Variants in RPTOR observed in about 807,000 individuals in gnomAD.
The protein encoded by RPTOR is regulatory associated protein of MTOR complex 1.
RPTOR carries 21 observed loss-of-function variants against 169.9 expected under a neutral mutation model. The observed-to-expected ratio is 0.12, with a 90% CI of 0.09 to 0.18. RPTOR has a LOEUF of 0.18. RPTOR is among the 10% of genes least tolerant of loss of function. The pLI is 1.00. For synonymous variants in RPTOR, 732 were observed against 753.2 expected, an observed-to-expected ratio of 0.97 and a Z score of 0.46; for missense variants, 1,133 against 1,855.9, an observed-to-expected ratio of 0.61 and a Z score of 7.16.
chr17:80,629,631 T>C (rs1363235045), intron 2 of RPTOR, among the ~76,000 whole-genome samples: 3 of 151,694 alleles, frequency 2.0e-5, no homozygotes, highest in African/African-American at 7.3e-5. Flanking sequence ...TTGTTGGACA[T>C]TGTACCGCAG....
chr17:80,951,972 GAC>G (rs1182474402), intron 28 of RPTOR, among the ~76,000 whole-genome samples: 3 of 152,244 alleles, frequency 2.0e-5, no homozygotes, highest in East Asian at 1.9e-4. Context: ...CCAGGACACA[GAC>G]ACACGTGCAG....
chr17:80,575,320 CAA>C (rs1056667846), intron 1 of RPTOR, among the ~76,000 whole-genome samples: 9 of 152,186 alleles, frequency 5.9e-5, no homozygotes, highest in Non-Finnish European at 8.8e-5. Flanking sequence ...TTGTTCAGTT[CAA>C]ATTATTCTCT....
At chr17:80,642,493 T>G (rs928821243) in intron 2 of RPTOR, among the ~76,000 whole-genome samples, 1 of 152,076 alleles carries the variant, frequency 6.6e-6, no homozygotes, top group African/African-American at 2.4e-5. Context: ...TGTGGATTCT[T>G]AAAAAAATAT....
At chr17:80,718,942 C>T (rs541570642) in intron 4 of RPTOR, among the ~76,000 whole-genome samples, 2 of 152,212 alleles carry the variant, frequency 1.3e-5, no homozygotes, top group East Asian at 1.9e-4. Flanking sequence ...AGTGGCGGCA[C>T]CCTGAGTCAG....
intron 1 of RPTOR, among the ~76,000 whole-genome samples, chr17:80,608,178 T>G (rs1444546560): frequency 2.6e-5 from 4 of 152,232 alleles, no homozygotes; most frequent in African/African-American, 9.6e-5. Flanking sequence ...TCCTGCCACC[T>G]GCCCCTGCCC....
chr17:80,668,181 C>T (rs2065795131), intron 3 of RPTOR, among the ~76,000 whole-genome samples: 1 of 152,156 alleles, frequency 6.6e-6, no homozygotes, highest in Non-Finnish European at 1.5e-5. Context: ...GTTGGGCCTC[C>T]ACTAGACAAA....
In RPTOR at chr17:80,684,829, A is replaced by G. The variant is rs75828357; in HGVS notation, c.349-23012A>G. ...TGCACTCTGCTTTTTGCCACTACAC[A>G]GCGTGTCCTGGAAATCACTCCATGT... On this transcript the variant is annotated intron_variant, in intron 3 of 33. Coordinates refer to ENST00000306801, the MANE Select transcript of RPTOR (RefSeq NM_020761.3). Among the ~76,000 whole-genome samples the G allele has an allele frequency of 7.9e-3, 1,205 of 152,244 alleles. 14 individuals are homozygous for G. The highest frequency in any genetic ancestry group is 0.028 in the African/African-American group (1,168 of 41,532).
intron 7 of RPTOR, among the ~76,000 whole-genome samples, chr17:80,795,871 G>T (rs965088289): frequency 2.0e-5 from 3 of 152,130 alleles, no homozygotes; most frequent in Admixed American, 6.5e-5. Context: ...TCCGCCTCCC[G>T]CCAGACACTT....
intron 20 of RPTOR, among the ~76,000 whole-genome samples, chr17:80,895,386 A>T (rs1192877062): frequency 2.0e-5 from 3 of 151,422 alleles, no homozygotes; most frequent in Non-Finnish European, 4.4e-5. Flanking sequence ...TTCCTGCTTT[A>T]TTTTTCTCCT....
rs913267239 is a variant in RPTOR at position 80,962,859 on chromosome 17, G to A, written c.3810-69G>A. On this transcript the variant is annotated intron_variant, in intron 32 of 33. Transcript: ENST00000306801. The stretch of plus-strand genomic sequence containing the variant: ...CTAGCCGGCCTGTCCCCGCGGTCTC[G>A]GCATCTGCGCCCATCTTCCATCCTC... 6.2e-6 allele frequency: 10 copies of A among 1,600,930 alleles called. No individual in the cohort carries two copies. In the East Asian group the frequency reaches 6.7e-5, roughly 11 times the overall value.
intron 20 of RPTOR, among the ~76,000 whole-genome samples, chr17:80,906,700 A>T (rs143069649): frequency 6.6e-6 from 1 of 152,290 alleles, no homozygotes; most frequent in East Asian, 1.9e-4. Context: ...CCAGCCTCTC[A>T]TGATTCACGC....
intron 28 of RPTOR, among the ~76,000 whole-genome samples, chr17:80,956,279 G>GT (rs2069247868): frequency 1.3e-5 from 2 of 152,316 alleles, no homozygotes; most frequent in Non-Finnish European, 2.9e-5. Context: ...GAGCTGAGTG[G>GT]TGGGTACAAG....
chr17:80,625,526 C>T (rs1257462341), intron 1 of RPTOR, among the ~76,000 whole-genome samples, 165 bp from the exon 2 acceptor site: 2 of 152,318 alleles, frequency 1.3e-5, no homozygotes, highest in African/African-American at 4.8e-5. Flanking sequence ...GGGCGTTACT[C>T]CTGCACTAGG....
chr17:80,851,045 C>G (rs1356561935), intron 11 of RPTOR, among the ~76,000 whole-genome samples: 3 of 152,206 alleles, frequency 2.0e-5, no homozygotes, highest in Admixed American at 6.5e-5. Flanking sequence ...CCTCCTGACT[C>G]AGCCTCCTGA....
intron 6 of RPTOR, among the ~76,000 whole-genome samples, chr17:80,790,211 G>C (rs1272178345): frequency 6.6e-6 from 1 of 152,216 alleles, no homozygotes; most frequent in African/African-American, 2.4e-5. Context: ...CCGTGGGAAA[G>C]GGCTGCTCTG....
At chr17:80,907,966 A>G (rs1429399244) in intron 20 of RPTOR, among the ~76,000 whole-genome samples, 1 of 152,192 alleles carries the variant, frequency 6.6e-6, no homozygotes, top group Non-Finnish European at 1.5e-5. Context: ...TCGTGGACGT[A>G]GCATGGCTCA....
At chr17:80,884,559 C>G (rs2068222262) in intron 16 of RPTOR, among the ~76,000 whole-genome samples, 1 of 152,228 alleles carries the variant, frequency 6.6e-6, no homozygotes, top group Non-Finnish European at 1.5e-5. Context: ...GTCCCCGGAC[C>G]CCAGGGCCAG....
At chr17:80,608,962 C>T (rs1390523380) in intron 1 of RPTOR, among the ~76,000 whole-genome samples, 2 of 152,162 alleles carry the variant, frequency 1.3e-5, no homozygotes, top group African/African-American at 4.8e-5. Flanking sequence ...CGGGAATGAA[C>T]AATGCCTTTT....
At chr17:80,615,586 C>T (rs1417538760) in intron 1 of RPTOR, among the ~76,000 whole-genome samples, 1 of 152,174 alleles carries the variant, frequency 6.6e-6, no homozygotes, top group Non-Finnish European at 1.5e-5. Context: ...TGTGCAAGAC[C>T]TTTGATTCAC....
Sources: allele counts gnomAD v4.1 joint callset (sites outside exome capture counted in the v4.1 genomes callset), GRCh38; gene constraint gnomAD v4.1.1; transcripts MANE v1.5; gene names NCBI Gene and HGNC (gene_info 2026-07-23, HGNC 2026-07-21).